CHRDL1: variants seen among roughly 807,000 people sequenced by gnomAD.
CHRDL1 encodes chordin-like protein 1.
Under a neutral mutation model 40.9 loss-of-function variants are expected in CHRDL1, and 19 were observed. That is an observed-to-expected ratio of 0.46 (90% CI 0.32 to 0.68). The LOEUF is 0.68. CHRDL1 is among the 30% of genes least tolerant of loss of function. CHRDL1 has a pLI of 0.03. For synonymous variants in CHRDL1, 136 were observed against 123.4 expected (o/e 1.10, Z -0.68); for missense variants, 329 against 352.1 (o/e 0.93, Z 0.53).
At chrX:110,700,559 C>CT (rs1209042852) in intron 7 of CHRDL1, 95 bp downstream of exon 7, 55 of 609,999 alleles carry the variant, frequency 9.0e-5, no homozygotes, top group Middle Eastern at 3.2e-4. Flanking sequence ...GAAATCGGGC[C>CT]TTTTTTTTGG....
chrX:110,694,479 G>T, intron 7 of CHRDL1, 148 bp from the exon 8 acceptor site: 1 of 393,232 alleles, frequency 2.5e-6, no homozygotes, highest in Non-Finnish European at 4.2e-6. Flanking sequence ...ATAGAAATAG[G>T]GATGTGGTCA....
At chrX:110,691,448 T>C (rs1226195600) in intron 8 of CHRDL1, among the ~76,000 whole-genome samples, 1 of 110,473 alleles carries the variant, frequency 9.1e-6, no homozygotes, top group Non-Finnish European at 1.9e-5. Context: ...AGATTTCAAG[T>C]CATGACTAGG....
intron 4 of CHRDL1, among the ~76,000 whole-genome samples, chrX:110,751,724 A>G (rs918796336): frequency 8.9e-6 from 1 of 111,801 alleles, no homozygotes; most frequent in Non-Finnish European, 1.9e-5. Context: ...GCTTCTTAAA[A>G]AAGCTACAAA....
chrX:110,731,396 T>A (rs1001406058), intron 4 of CHRDL1, among the ~76,000 whole-genome samples: 12 of 110,812 alleles, frequency 1.1e-4, no homozygotes, highest in Non-Finnish European at 1.7e-4. Flanking sequence ...TAAAAAAAAA[T>A]AATAATAGTA....
chrX:110,714,916 T>C (rs2148458459), intron 6 of CHRDL1, among the ~76,000 whole-genome samples: 1 of 111,840 alleles, frequency 8.9e-6, no homozygotes, highest in Admixed American at 9.6e-5. Context: ...AAAACGTCAT[T>C]TCCATGGGAA....
At chrX:110,708,193 G>T (rs1261724302) in intron 6 of CHRDL1, among the ~76,000 whole-genome samples, 3 of 110,882 alleles carry the variant, frequency 2.7e-5, no homozygotes, top group African/African-American at 9.9e-5. Context: ...ACTCTTGGTG[G>T]GAGTGTAAAT....
intron 5 of CHRDL1, 49 bp from the exon 6 acceptor site, chrX:110,719,977 A>G (rs748752316): frequency 3.9e-5 from 33 of 848,179 alleles, no homozygotes; most frequent in Non-Finnish European, 5.5e-5. Context: ...GGATAAGTGT[A>G]AAGGCTTCAC....
rs866443640 is a variant in CHRDL1 at position 110,784,557 on chromosome X, A to C, written c.94+7531T>G. On this transcript the variant is annotated intron_variant, in intron 2 of 11. Coordinates refer to ENST00000372042, the MANE Select transcript of CHRDL1 (RefSeq NM_001143981.2). ...CTCCCGAGTAGCTGAGATTACAGGC[A>C]CCCGCCACTACGCCCACCTAAATTT... Among the ~76,000 whole-genome samples the C allele has an allele frequency of 3.9e-4, 41 of 105,604 alleles. No homozygotes were observed. In the South Asian group the frequency reaches 0.017, roughly 44 times the overall value. 91.7% of individuals were successfully genotyped at this position (105,604 alleles called of 115,157 possible). A position where few individuals can be genotyped will look rare whatever the true frequency, so the allele number is the denominator to read the frequency against.
At chrX:110,754,675 A>G (rs1474879315) in intron 4 of CHRDL1, among the ~76,000 whole-genome samples, 1 of 111,691 alleles carries the variant, frequency 9.0e-6, no homozygotes, top group Non-Finnish European at 1.9e-5. Flanking sequence ...AAAACCATTC[A>G]TAGTGCCAAA....
rs777392250 is a variant in CHRDL1, at chrX:110,689,428, A to ATATC, written c.779-629_779-626dup. On this transcript the variant is annotated intron_variant, in intron 8 of 11. Coordinates refer to ENST00000372042, the MANE Select transcript of CHRDL1 (RefSeq NM_001143981.2). ...TATCTATATATCTATATATATCTATATATCTATATATCTATATATATCTAT... is the reference window on the plus strand; with the variant it reads ...TATCTATATATCTATATATATCTATATATCTATCTATATATCTATATATATCTAT... Among the ~76,000 whole-genome samples, 90 of 67,885 alleles carry ATATC rather than the reference A, an allele frequency of 1.3e-3. 16 individuals are homozygous for ATATC. Among genetic ancestry groups the ATATC allele is most frequent in the African/African-American group, 0.011 (85 of 7,399 alleles). The allele number at this position is 67,885 out of a possible 115,157, so 58.9% of individuals were successfully genotyped here. A position where few individuals can be genotyped will look rare whatever the true frequency, so the allele number is the denominator to read the frequency against.
chrX:110,729,686 T>C (rs1285349450), intron 4 of CHRDL1, among the ~76,000 whole-genome samples: 1 of 111,786 alleles, frequency 8.9e-6, no homozygotes, highest in East Asian at 2.8e-4. Context: ...ATGAGGGAAC[T>C]TGCTAAAAAT....
chrX:110,712,875 C>G (rs1401461524), intron 6 of CHRDL1, among the ~76,000 whole-genome samples: 1 of 111,162 alleles, frequency 9.0e-6, no homozygotes, highest in Non-Finnish European at 1.9e-5. Flanking sequence ...AAACAGGAAA[C>G]AGCCAAAAGA....
At chrX:110,677,755 T>C (rs2069809274) in intron 11 of CHRDL1, among the ~76,000 whole-genome samples, 1 of 111,947 alleles carries the variant, frequency 8.9e-6, no homozygotes, top group Non-Finnish European at 1.9e-5. Flanking sequence ...TAGCTGCCTA[T>C]TGGACCCTAA....
chrX:110,756,719 C>T (rs2089460219), intron 4 of CHRDL1, among the ~76,000 whole-genome samples: 1 of 111,088 alleles, frequency 9.0e-6, no homozygotes, highest in Non-Finnish European at 1.9e-5. Flanking sequence ...ACAAAACAAA[C>T]CCAAAACACC....
At chrX:110,722,161 C>A (rs1426186056) in intron 4 of CHRDL1, among the ~76,000 whole-genome samples, 1 of 110,108 alleles carries the variant, frequency 9.1e-6, no homozygotes, top group Non-Finnish European at 1.9e-5. Context: ...CCACGCCTGG[C>A]TATTTTTTTT....
chrX:110,688,879 G>T, intron 8 of CHRDL1, 76 bp from the exon 9 acceptor site: 1 of 742,646 alleles, frequency 1.3e-6, no homozygotes, highest in Non-Finnish European at 2.1e-6. Context: ...CCCAAGCCCT[G>T]AACTACTTAA....
intron 2 of CHRDL1, among the ~76,000 whole-genome samples, chrX:110,791,802 T>C (rs1217837936): frequency 1.8e-5 from 2 of 112,062 alleles, no homozygotes; most frequent in Non-Finnish European, 3.8e-5. Context: ...TAAAATGTAA[T>C]GAGATTTGTA....
chrX:110,793,970 T>A, intron 1 of CHRDL1, among the ~76,000 whole-genome samples: 1 of 112,432 alleles, frequency 8.9e-6, no homozygotes. Flanking sequence ...GTTCCTGTCA[T>A]CTGTGTGGCC....
chrX:110,739,542 G>A (rs1259360846), intron 4 of CHRDL1, among the ~76,000 whole-genome samples: 1 of 111,861 alleles, frequency 8.9e-6, no homozygotes, highest in Admixed American at 9.5e-5. Context: ...AGGAAAGAAA[G>A]ACCACTAGAG....
Sources: gnomAD v4.1 joint callset for allele counts (sites outside exome capture counted in the v4.1 genomes callset) on GRCh38, gnomAD v4.1.1 for gene constraint, MANE v1.5 for transcripts, NCBI Gene and HGNC (gene_info 2026-07-23, HGNC 2026-07-21) for gene names.